The following IL7 variants were observed in gnomAD, a reference collection of about 807,000 sequenced individuals.
IL7 encodes interleukin 7.
Under a neutral mutation model 21.6 loss-of-function variants are expected in IL7, and 3 were observed. The observed-to-expected ratio is 0.14, with a 90% CI of 0.06 to 0.36. The LOEUF is 0.36. Among genes scored for constraint, IL7 ranks in the 10% least tolerant of loss-of-function variants. The probability of loss-of-function intolerance (pLI) is 1.00; values close to 1 mark genes in which losing one functional copy is unlikely to be tolerated. For synonymous variants in IL7, 62 were observed against 68.1 expected, an observed-to-expected ratio of 0.91 and a Z score of 0.44; for missense variants, 175 against 200.2, an observed-to-expected ratio of 0.87 and a Z score of 0.76.
intron 6 of IL7, chr8:78,718,257 T>G (rs926159401): frequency 6.6e-6 from 1 of 152,078 alleles, no homozygotes; most frequent in African/African-American, 2.4e-5. Context: ...CTTTTCCTCT[T>G]TTTCCATAAC....
intron 2 of IL7, among the ~76,000 whole-genome samples, chr8:78,763,601 G>T (rs1490181635): frequency 1.3e-5 from 2 of 151,944 alleles, no homozygotes; most frequent in Non-Finnish European, 2.9e-5. Flanking sequence ...TACTCAAAAG[G>T]CACAATCTAC....
intron 3 of IL7, among the ~76,000 whole-genome samples, chr8:78,695,270 T>C (rs999119570): frequency 3.9e-5 from 6 of 152,188 alleles, no homozygotes; most frequent in Admixed American, 1.3e-4. Context: ...AAGTCTTATA[T>C]AGAGAGGGAG....
intron 2 of IL7, among the ~76,000 whole-genome samples, chr8:78,752,432 A>C (rs1428790334): frequency 2.0e-5 from 3 of 152,054 alleles, no homozygotes; most frequent in Non-Finnish European, 4.4e-5. Flanking sequence ...CCTCATCAAC[A>C]CTTATCTTTT....
rs190426138 is a variant in IL7, at chr8:78,700,457, T to C, written n.215-14510A>G. 3.0e-3 allele frequency among the ~76,000 whole-genome samples: 459 copies of C among 152,252 alleles called. 1 individual carries two copies. The highest frequency in any genetic ancestry group is 5.3e-3 in the Non-Finnish European group (361 of 68,012). On this transcript the variant is annotated intron_variant and non_coding_transcript_variant, in intron 3 of 4. Transcript: ENST00000523959. ...ATATTTGCTCCCATTCTGTAGGTTG[T>C]CTGTTTACTCTGTTGATAGTTTCTT...
rs1811670370 is a variant in IL7 at position 78,738,549 on chromosome 8, T to C, written c.315A>G (p.Leu105=). 1.2e-6 allele frequency: 2 copies of C among 1,613,722 alleles called. No homozygotes were observed. The highest frequency in any genetic ancestry group is 1.7e-5 in the Admixed American group (1 of 60,028). The change falls in exon 4 of 6, where the codon TTA becomes TTG. Residue 105 remains leucine (L), a synonymous_variant. Coordinates refer to ENST00000263851, the MANE Select transcript of IL7 (RefSeq NM_000880.4). ...GTATTGTTGTGCCTTCTGAAACTTT[T>C]AATAAGTGGAGATCAAAATCACCAG... ...NSTGDFDLHL[L]KVSEGTTILL... is the part of the protein sequence containing the mutation.
chr8:78,770,252 T>G (rs772531478), intron 2 of IL7, among the ~76,000 whole-genome samples: 1 of 152,146 alleles, frequency 6.6e-6, no homozygotes, highest in East Asian at 1.9e-4. Context: ...TTTATTATTC[T>G]TGGTACATTC....
chr8:78,711,938 T>C (rs1810962082), intron 3 of IL7: 13 of 1,150,226 alleles, frequency 1.1e-5, no homozygotes, highest in Non-Finnish European at 1.0e-5. Flanking sequence ...AAACTTTATA[T>C]AAAGAAGCAG....
At chr8:78,760,467 T>C in intron 2 of IL7, 1 of 1,545,648 alleles carries the variant, frequency 6.5e-7, no homozygotes, top group Non-Finnish European at 8.7e-7. Context: ...TCTATATCTT[T>C]CCCCCTGTGT....
At chr8:78,780,636 G>A (rs1267476653) in intron 2 of IL7, among the ~76,000 whole-genome samples, 10 of 152,276 alleles carry the variant, frequency 6.6e-5, no homozygotes, top group Admixed American at 6.5e-4. Flanking sequence ...TTGCTGAGGA[G>A]TGTTTTACAT....
chr8:78,695,090 G>T (rs1810354399), intron 3 of IL7, among the ~76,000 whole-genome samples: 1 of 152,150 alleles, frequency 6.6e-6, no homozygotes, highest in Non-Finnish European at 1.5e-5. Flanking sequence ...AAAACAGCAA[G>T]ATACCGAGGG....
At chr8:78,687,869 T>A (rs1192942188) in intron 3 of IL7, among the ~76,000 whole-genome samples, 1 of 136,874 alleles carries the variant, frequency 7.3e-6, no homozygotes, top group Non-Finnish European at 1.5e-5. Context: ...TATATCTATA[T>A]AATAAATATA....
Position 78,805,106 on chromosome 8 carries a change from G to C in IL7, c.-184C>G, listed in dbSNP as rs1265090661. ...GACTGCAGTTTCATCCATCCCAAGG[G>C]GGGCGGCACACACTACGGCGTGGCT... On this transcript the variant is annotated 5_prime_UTR_variant, in exon 1 of 6. Transcript: ENST00000263851. The C allele has an allele frequency of 5.1e-6, 3 of 590,354 alleles. No individual in the cohort carries two copies. Among genetic ancestry groups the C allele is most frequent in the East Asian group, 3.2e-5 (1 of 31,652 alleles). The allele number at this position is 590,354 out of a possible 1,614,324, so 36.6% of individuals were successfully genotyped here.
chr8:78,753,763 GA>G (rs1812254862), intron 2 of IL7, among the ~76,000 whole-genome samples: 1 of 152,138 alleles, frequency 6.6e-6, no homozygotes, highest in Admixed American at 6.5e-5. Context: ...AAGGCATAAG[GA>G]AGGGGTCCAG....
intron 2 of IL7, among the ~76,000 whole-genome samples, chr8:78,742,682 A>G (rs1274210751): frequency 6.6e-6 from 1 of 152,084 alleles, no homozygotes; most frequent in Non-Finnish European, 1.5e-5. Flanking sequence ...AGTGAGTTAT[A>G]TGCTTTCATA....
At chr8:78,707,419 C>G (rs1404797581) in intron 3 of IL7, among the ~76,000 whole-genome samples, 1 of 152,206 alleles carries the variant, frequency 6.6e-6, no homozygotes, top group African/African-American at 2.4e-5. Flanking sequence ...GGGCATGTAT[C>G]TCTTTGTCAT....
At chr8:78,760,373 C>T in intron 2 of IL7, 2 of 1,610,340 alleles carry the variant, frequency 1.2e-6, no homozygotes, top group Non-Finnish European at 1.7e-6. Context: ...CAGAAGAATA[C>T]ACAGGACCTT....
At chr8:78,692,396 G>A (rs901834984) in intron 3 of IL7, among the ~76,000 whole-genome samples, 2 of 152,108 alleles carry the variant, frequency 1.3e-5, no homozygotes, top group Admixed American at 1.3e-4. Flanking sequence ...TCTGCCACCT[G>A]TGGTCATTTG....
chr8:78,718,599 C>T (rs1428051733), intron 6 of IL7: 1 of 151,670 alleles, frequency 6.6e-6, no homozygotes, highest in African/African-American at 2.4e-5. Context: ...GTTGAAACAC[C>T]ATTCACGTCA....
chr8:78,685,904 G>A (rs1809953170), exon 4 of IL7: 1 of 152,316 alleles, frequency 6.6e-6, no homozygotes, highest in Non-Finnish European at 1.5e-5. Flanking sequence ...TGGAGGTTGG[G>A]AAGTCCAGGA....
Sources: gnomAD v4.1 joint callset for allele counts (sites outside exome capture counted in the v4.1 genomes callset) on GRCh38, gnomAD v4.1.1 for gene constraint, MANE v1.5 for transcripts, NCBI Gene and HGNC (gene_info 2026-07-23, HGNC 2026-07-21) for gene names.